SGCD: variants seen among roughly 807,000 people sequenced by gnomAD.
SGCD encodes the protein delta-sarcoglycan.
A neutral mutation model predicts 36.6 loss-of-function variants in SGCD; 18 were observed. The ratio of observed to expected loss-of-function variants is 0.49; its 90% CI spans 0.34 to 0.73. The LOEUF (loss-of-function observed/expected upper bound fraction) is 0.73. SGCD is among the 30% of genes least tolerant of loss of function. SGCD has a pLI of 0.01. For missense variants in SGCD, 387 were observed against 346.7 expected, an observed-to-expected ratio of 1.12 and a Z score of -0.92; for synonymous variants, 133 against 130.6, an observed-to-expected ratio of 1.02 and a Z score of -0.12.
the SGCD span, among the ~76,000 whole-genome samples, chr5:155,768,985 T>C: frequency 6.6e-6 from 1 of 152,186 alleles, no homozygotes; most frequent in African/African-American, 2.4e-5. Context: ...CAGTATTGCT[T>C]ATGATAACAA....
intron 2 of SGCD, chr5:156,123,769 C>T (rs1165601120): frequency 6.6e-6 from 1 of 152,084 alleles, no homozygotes; most frequent in African/African-American, 2.4e-5. Context: ...TTTAGTCTCT[C>T]CAAACCAAAT....
chr5:156,293,723 G>GT (rs1766820350), intron 3 of SGCD, among the ~76,000 whole-genome samples: 1 of 152,126 alleles, frequency 6.6e-6, no homozygotes, highest in African/African-American at 2.4e-5. Flanking sequence ...AGGCTTGGTA[G>GT]TAAGTTGTGA....
chr5:156,152,964 T>A (rs1561541658), intron 3 of SGCD, among the ~76,000 whole-genome samples: 1 of 151,682 alleles, frequency 6.6e-6, no homozygotes, highest in Non-Finnish European at 1.5e-5. Context: ...ATGAGCTTGG[T>A]GGGTTTAGCT....
intron 1 of SGCD, among the ~76,000 whole-genome samples, chr5:156,327,505 C>T (rs1189970275): frequency 6.6e-6 from 1 of 152,190 alleles, no homozygotes; most frequent in Non-Finnish European, 1.5e-5. Flanking sequence ...TATGTGAATT[C>T]CTTATGTTGT....
intron 4 of SGCD, among the ~76,000 whole-genome samples, chr5:156,562,965 A>G (rs1237310923): frequency 6.6e-6 from 1 of 151,990 alleles, no homozygotes; most frequent in Non-Finnish European, 1.5e-5. Flanking sequence ...GTATATAGTG[A>G]TGATAGATTG....
the SGCD span, among the ~76,000 whole-genome samples, chr5:155,777,064 A>G: frequency 2.6e-5 from 4 of 152,148 alleles, no homozygotes. Context: ...GGAGATGGAC[A>G]AGAAAAGGGT....
intron 6 of SGCD, among the ~76,000 whole-genome samples, chr5:156,605,611 G>A (rs1448770819): frequency 6.6e-6 from 1 of 152,178 alleles, no homozygotes; most frequent in African/African-American, 2.4e-5. Context: ...CTAGATCCCT[G>A]AGGAATCGCC....
At chr5:155,799,246 TTTTA>T in the SGCD span, among the ~76,000 whole-genome samples, 1 of 152,180 alleles carries the variant, frequency 6.6e-6, no homozygotes, top group Non-Finnish European at 1.5e-5. Context: ...GGAAGCTCAA[TTTTA>T]TTTGTTTTAT....
At chr5:156,254,739 T>C (rs562115065) in intron 3 of SGCD, among the ~76,000 whole-genome samples, 2 of 152,144 alleles carry the variant, frequency 1.3e-5, no homozygotes, top group Non-Finnish European at 2.9e-5. Context: ...CCAAGCTACT[T>C]GGCAGGCTGA....
At chr5:156,532,168 A>G (rs960463215) in intron 4 of SGCD, among the ~76,000 whole-genome samples, 1 of 152,204 alleles carries the variant, frequency 6.6e-6, no homozygotes, top group African/African-American at 2.4e-5. Context: ...TTGAGATACT[A>G]GCAAATTGCT....
intron 7 of SGCD, among the ~76,000 whole-genome samples, chr5:156,745,105 G>A (rs1756882681): frequency 6.6e-6 from 1 of 152,118 alleles, no homozygotes; most frequent in Non-Finnish European, 1.5e-5. Context: ...ACAAATCTTG[G>A]GGTTCACTGA....
At chr5:155,877,205 A>G (rs1755784752) in intron 1 of SGCD, among the ~76,000 whole-genome samples, 1 of 152,128 alleles carries the variant, frequency 6.6e-6, no homozygotes, top group African/African-American at 2.4e-5. Context: ...GTCTTTAATT[A>G]GAAATGTTTC....
At position 156,338,632 on chromosome 5, in the gene SGCD, A is replaced by G. The variant is rs144674144; in HGVS notation, c.4-5857A>G. Reference sequence around the variant, plus strand: ...AAGCTCACGTAGCTTCCTTAATTAGATGGACAATGGCTAGGTCCAGGTATC... The same window carrying G: ...AAGCTCACGTAGCTTCCTTAATTAGGTGGACAATGGCTAGGTCCAGGTATC... On this transcript the variant is annotated intron_variant, in intron 2 of 8. Coordinates refer to ENST00000337851, the MANE Select transcript of SGCD (RefSeq NM_000337.6). Among the ~76,000 whole-genome samples, 189 of 152,188 alleles carry G rather than the reference A, an allele frequency of 1.2e-3. 1 individual carries two copies. The highest frequency in any genetic ancestry group is 4.4e-3 in the African/African-American group (183 of 41,532).
intron 3 of SGCD, among the ~76,000 whole-genome samples, chr5:156,176,761 G>A (rs1001762251): frequency 3.3e-5 from 5 of 152,046 alleles, no homozygotes; most frequent in Admixed American, 2.0e-4. Flanking sequence ...GGTAAATTGC[G>A]ATTTTGTTTT....
At chr5:156,516,231 C>A (rs191446400) in intron 4 of SGCD, among the ~76,000 whole-genome samples, 1 of 152,196 alleles carries the variant, frequency 6.6e-6, no homozygotes, top group Non-Finnish European at 1.5e-5. Flanking sequence ...ACCCCCCACA[C>A]ACACACCCCC....
intron 3 of SGCD, among the ~76,000 whole-genome samples, chr5:156,159,364 A>G (rs1763036356): frequency 6.6e-6 from 1 of 151,668 alleles, no homozygotes; most frequent in Non-Finnish European, 1.5e-5. Context: ...ATGATTATTA[A>G]TTTTAAATTA....
chr5:156,260,783 G>A (rs968549655), intron 3 of SGCD, among the ~76,000 whole-genome samples: 2 of 151,932 alleles, frequency 1.3e-5, no homozygotes, highest in African/African-American at 4.8e-5. Context: ...AGAGTATTTG[G>A]TTTTCACCAT....
intron 1 of SGCD, among the ~76,000 whole-genome samples, chr5:155,962,628 G>A (rs1188883040): frequency 6.6e-6 from 1 of 152,104 alleles, no homozygotes; most frequent in East Asian, 1.9e-4. Flanking sequence ...ATAAGAAAAG[G>A]TCCTGTATCA....
chr5:156,706,178 T>TA (rs958328182), intron 7 of SGCD, among the ~76,000 whole-genome samples: 7 of 151,960 alleles, frequency 4.6e-5, no homozygotes, highest in Non-Finnish European at 4.4e-5. Context: ...TTTAAGGACT[T>TA]AAAAAAAATT....
Sources: allele counts gnomAD v4.1 joint callset (sites outside exome capture counted in the v4.1 genomes callset), GRCh38; gene constraint gnomAD v4.1.1; transcripts MANE v1.5; gene names NCBI Gene and HGNC (gene_info 2026-07-23, HGNC 2026-07-21).